The following MKX variants were observed in gnomAD, a reference collection of about 807,000 sequenced individuals.
MKX encodes the protein mohawk homeobox, also known as homeobox protein Mohawk.
In MKX, 13 loss-of-function variants were observed where a neutral mutation model predicts 36.0. The ratio of observed to expected loss-of-function variants is 0.36; its 90% CI spans 0.24 to 0.57. The LOEUF (loss-of-function observed/expected upper bound fraction) is 0.57. Among genes scored for constraint, MKX ranks in the 20% least tolerant of loss-of-function variants. The probability of loss-of-function intolerance (pLI) is 0.79; values close to 1 mark genes in which losing one functional copy is unlikely to be tolerated. For missense variants in MKX, 458 were observed against 456.4 expected, an observed-to-expected ratio of 1.00 and a Z score of -0.03; for synonymous variants, 176 against 178.3, an observed-to-expected ratio of 0.99 and a Z score of 0.10.
chr10:27,743,317 G>A lies in MKX; in HGVS notation c.99C>T (p.Val33=), dbSNP rs1027108219. 22 of 1,586,098 alleles carry A rather than the reference G, an allele frequency of 1.4e-5. No homozygotes were observed. The highest frequency in any genetic ancestry group is 2.3e-5 in the South Asian group (2 of 86,748). ...CGGGGCGGGCGTGAGGACTGTCCAG[G>A]ACACCGCTGTAGGGCCGGCCACCCC... ...RERGGRPYSG[V]LDSPHARPEV... Residue 33 remains valine (V), a synonymous_variant, in exon 2 of 7, where the codon GTC becomes GTT. Coordinates refer to ENST00000419761, the MANE Select transcript of MKX (RefSeq NM_173576.3).
intron 5 of MKX, among the ~76,000 whole-genome samples, chr10:27,733,502 T>C (rs1270208819): frequency 6.6e-6 from 1 of 152,228 alleles, no homozygotes; most frequent in Non-Finnish European, 1.5e-5. Context: ...GTTCTTCCTA[T>C]CTCTTGTGCA....
rs1255608226 is a variant in MKX at position 27,744,116 on chromosome 10, G to T, written c.-82-619C>A. On this transcript the variant is annotated intron_variant, in intron 1 of 6. Transcript: ENST00000419761. The surrounding 1 kb of genome is among the most constrained non-coding windows in gnomAD (Gnocchi z 5.6). ...GCCAAGGTCCCCCGGGGTGAGGTTGGGTTCAAGGACAGGAAAAAGTTAAGT... is the reference window on the plus strand; with the variant it reads ...GCCAAGGTCCCCCGGGGTGAGGTTGTGTTCAAGGACAGGAAAAAGTTAAGT... Among the ~76,000 whole-genome samples, 1 of 152,074 alleles carries T rather than the reference G, an allele frequency of 6.6e-6. No homozygotes were observed. Among genetic ancestry groups the T allele is most frequent in the Admixed American group, 6.5e-5 (1 of 15,276 alleles).
At chr10:27,680,196 C>G (rs1024579952) in intron 5 of MKX, among the ~76,000 whole-genome samples, 2 of 152,166 alleles carry the variant, frequency 1.3e-5, no homozygotes, top group Non-Finnish European at 2.9e-5. Context: ...ATCTCTTACT[C>G]TGCAAGTAGC....
At chr10:27,705,630 C>G (rs562771083) in intron 5 of MKX, among the ~76,000 whole-genome samples, 1 of 152,162 alleles carries the variant, frequency 6.6e-6, no homozygotes, top group Non-Finnish European at 1.5e-5. Flanking sequence ...TCTGAGAATA[C>G]AAGTGTAAGC....
chr10:27,704,231 A>G (rs1836711669), intron 5 of MKX, among the ~76,000 whole-genome samples: 2 of 152,208 alleles, frequency 1.3e-5, no homozygotes, highest in South Asian at 4.1e-4. Context: ...GTGTTTGGAT[A>G]AGAGGATTCT....
intron 5 of MKX, among the ~76,000 whole-genome samples, chr10:27,696,068 A>G (rs911834085): frequency 6.6e-6 from 1 of 152,180 alleles, no homozygotes; most frequent in Admixed American, 6.5e-5. Flanking sequence ...ATCTTGAATT[A>G]AACACCCTTG....
At chr10:27,696,257 C>T (rs1297514896) in intron 5 of MKX, among the ~76,000 whole-genome samples, 1 of 152,098 alleles carries the variant, frequency 6.6e-6, no homozygotes, top group African/African-American at 2.4e-5. Context: ...TTTTTCTGCT[C>T]ATCTGTGAAA....
At chr10:27,679,609 G>A (rs1407705532) in intron 5 of MKX, among the ~76,000 whole-genome samples, 1 of 152,164 alleles carries the variant, frequency 6.6e-6, no homozygotes, top group Non-Finnish European at 1.5e-5. Flanking sequence ...AGAGCCCTTT[G>A]ACTCTGAAAC....
intron 5 of MKX, among the ~76,000 whole-genome samples, chr10:27,719,819 C>G (rs1028075795): frequency 6.6e-6 from 1 of 151,292 alleles, no homozygotes; most frequent in African/African-American, 2.4e-5. Context: ...ACTCCCATCT[C>G]AACAAAAAAA....
intron 5 of MKX, among the ~76,000 whole-genome samples, chr10:27,680,561 A>G (rs1024112743): frequency 3.3e-5 from 5 of 152,162 alleles, no homozygotes; most frequent in Non-Finnish European, 5.9e-5. Flanking sequence ...TCTGTGGCCA[A>G]CTGTGAAAAA....
rs540419069 is a variant in MKX at position 27,742,915 on chromosome 10, C to T, written c.188+313G>A. ...CTCGCCCTCAGCCGCGCACCGGCAC[C>T]CACAGTCCGGAGAGGGGCAAATAAC... On this transcript the variant is annotated intron_variant, in intron 2 of 6. Transcript: ENST00000419761. This position sits in a 1 kb window ranked among gnomAD's most constrained non-coding sequence, Gnocchi z 4.2. Among the ~76,000 whole-genome samples the T allele has an allele frequency of 9.8e-4, 150 of 152,326 alleles. No homozygotes were observed. The highest frequency in any genetic ancestry group is 3.4e-3 in the African/African-American group (142 of 41,588).
intron 5 of MKX, among the ~76,000 whole-genome samples, chr10:27,707,919 A>G (rs1364419111): frequency 6.6e-6 from 1 of 152,238 alleles, no homozygotes; most frequent in Non-Finnish European, 1.5e-5. Flanking sequence ...TTAATGTCAC[A>G]CAAGTGTAGA....
At chr10:27,731,373 T>C (rs187260487) in intron 5 of MKX, among the ~76,000 whole-genome samples, 74 of 152,026 alleles carry the variant, frequency 4.9e-4, no homozygotes, top group Non-Finnish European at 9.3e-4. Flanking sequence ...GAGAAAACCA[T>C]AGCAGTTGCT....
chr10:27,717,362 T>G (rs769507778), intron 5 of MKX, among the ~76,000 whole-genome samples: 1 of 152,208 alleles, frequency 6.6e-6, no homozygotes, highest in Non-Finnish European at 1.5e-5. Context: ...ACATATGCAT[T>G]AAAAACTGTT....
Position 27,741,278 on chromosome 10 carries a change from T to C in MKX, c.348+67A>G, listed in dbSNP as rs1834887006. 7 of 1,593,930 alleles carry C rather than the reference T, an allele frequency of 4.4e-6. No individual in the cohort carries two copies. The South Asian group carries it at 7.9e-5, about 18-fold the overall frequency. ...GCGCCACGTGGAGAGCCACACGAAC[T>C]CTAAGCGTTCCCGCTCTTCAGCCCC... On this transcript the variant is annotated intron_variant, in intron 3 of 6. Coordinates refer to ENST00000419761, the MANE Select transcript of MKX (RefSeq NM_173576.3). The surrounding 1 kb of genome is among the most constrained non-coding windows in gnomAD (Gnocchi z 5.1).
At position 27,741,694 on chromosome 10, in the gene MKX, C is replaced by T. The variant is rs1344897818; in HGVS notation, c.189-190G>A. Among the ~76,000 whole-genome samples, 1 of 152,240 alleles carries T rather than the reference C, an allele frequency of 6.6e-6. No homozygotes were observed. Among genetic ancestry groups the T allele is most frequent in the African/African-American group, 2.4e-5 (1 of 41,476 alleles). ...CCACACAGTTTCTGGATGGGGAGATCATTTCGATAGGTTTATCTTGAATAG... is the reference window on the plus strand; with the variant it reads ...CCACACAGTTTCTGGATGGGGAGATTATTTCGATAGGTTTATCTTGAATAG... On this transcript the variant is annotated intron_variant, in intron 2 of 6. Transcript: ENST00000419761. This position sits in a 1 kb window ranked among gnomAD's most constrained non-coding sequence, Gnocchi z 5.1.
At chr10:27,743,534 G>A in intron 1 of MKX, 37 bp from the exon 2 acceptor site, 1 of 1,127,086 alleles carries the variant, frequency 8.9e-7, no homozygotes, top group Non-Finnish European at 1.2e-6. Context: ...CTTACTGGCT[G>A]AGAGTGCTCA....
chr10:27,722,618 A>G (rs778955903), intron 5 of MKX, among the ~76,000 whole-genome samples: 1 of 152,192 alleles, frequency 6.6e-6, no homozygotes, highest in Non-Finnish European at 1.5e-5. Flanking sequence ...TGTCCACATT[A>G]TAGCTTCCTG....
intron 5 of MKX, among the ~76,000 whole-genome samples, chr10:27,715,866 G>A (rs1461842632): frequency 6.6e-6 from 1 of 151,774 alleles, no homozygotes; most frequent in Non-Finnish European, 1.5e-5. Context: ...GATGGGCTGG[G>A]GGCTGGGCAT....
Sources: gnomAD v4.1 joint callset for allele counts (sites outside exome capture counted in the v4.1 genomes callset) on GRCh38, gnomAD v4.1.1 for gene constraint, Gnocchi (gnomAD v3.1) non-coding constraint, MANE v1.5 for transcripts, NCBI Gene and HGNC (gene_info 2026-07-23, HGNC 2026-07-21) for gene names.